SLC17A1: variants seen among roughly 807,000 people sequenced by gnomAD.
SLC17A1 encodes solute carrier family 17 member 1, also known as sodium-dependent phosphate transport protein 1.
A neutral mutation model predicts 53.5 loss-of-function variants in SLC17A1; 51 were observed. The observed-to-expected ratio is 0.95, with a 90% CI of 0.76 to 1.20. The LOEUF is 1.20. Among genes scored for constraint, SLC17A1 ranks in the 50% most tolerant of loss-of-function variants. The pLI is 0.00. For synonymous variants in SLC17A1, 179 were observed against 198.8 expected (o/e 0.90, Z 0.84); for missense variants, 538 against 568.2 (o/e 0.95, Z 0.54).
At chr6:25,768,895 G>C in the SLC17A1 span, 1 of 1,207,426 alleles carries the variant, frequency 8.3e-7, no homozygotes, top group Non-Finnish European at 1.2e-6. Flanking sequence ...CTGCATCTCA[G>C]ACAGATACCA....
intron 12 of SLC17A1, among the ~76,000 whole-genome samples, chr6:25,792,109 C>T (rs1369806930): frequency 6.6e-6 from 1 of 152,180 alleles, no homozygotes; most frequent in Non-Finnish European, 1.5e-5. Context: ...AGGAGTCACA[C>T]ACATACTCTC....
chr6:25,776,521 G>A, the SLC17A1 span: 2 of 1,510,814 alleles, frequency 1.3e-6, no homozygotes, highest in Non-Finnish European at 1.8e-6. Flanking sequence ...AATGTGGACA[G>A]TCTGTCCAAG....
At chr6:25,755,801 C>G in the SLC17A1 span, among the ~76,000 whole-genome samples, 1 of 152,174 alleles carries the variant, frequency 6.6e-6, no homozygotes. Flanking sequence ...AAATAAAGTT[C>G]TTGCTTTTCC....
rs746218693 is a variant in SLC17A1, at chr6:25,811,503, A to G, written c.1073T>C (p.Leu358Pro). 2 of 1,614,058 alleles carry G rather than the reference A, an allele frequency of 1.2e-6. No individual in the cohort carries two copies. The highest frequency in any genetic ancestry group is 1.7e-6 in the Non-Finnish European group (2 of 1,179,928). The change falls in exon 10 of 13, where the codon CTG (leucine) becomes CCG (proline). Residue 358 changes from leucine to proline, a missense_variant. Physicochemically the swap from Leu to Pro is moderately conservative, Grantham distance 98. Transcript: ENST00000244527. Reference protein sequence around the residue: ...PAIFGVCLPYLSSTFYSIVIF... With the variant: ...PAIFGVCLPYPSSTFYSIVIF... ...GACAATGCTGTAGAAGGTGGAACTC[A>G]GGTAAGGCAGGCAGACACCAAAGAT...
downstream of SLC17A1, among the ~76,000 whole-genome samples, chr6:25,781,802 C>T (rs773774971): frequency 3.3e-5 from 5 of 152,140 alleles, no homozygotes; most frequent in Non-Finnish European, 5.9e-5. Context: ...CCTTATGACA[C>T]AAACACCTCC....
the SLC17A1 span, among the ~76,000 whole-genome samples, chr6:25,753,095 A>T: frequency 6.6e-6 from 1 of 152,260 alleles, no homozygotes; most frequent in Admixed American, 6.5e-5. Context: ...GCCTAGGCTG[A>T]CACAAAATCA....
chr6:25,757,825 C>T, the SLC17A1 span, among the ~76,000 whole-genome samples: 2 of 152,216 alleles, frequency 1.3e-5, no homozygotes, highest in Admixed American at 6.5e-5. Flanking sequence ...TCCACCAGTC[C>T]TCCCATGTCA....
the SLC17A1 span, among the ~76,000 whole-genome samples, chr6:25,753,587 G>A: frequency 1.3e-5 from 2 of 151,962 alleles, no homozygotes; most frequent in African/African-American, 4.8e-5. Flanking sequence ...AAGAGATGAA[G>A]GTGGAACTGA....
At chr6:25,826,411 A>G in intron 3 of SLC17A1, 50 bp downstream of exon 3, 1 of 1,439,426 alleles carries the variant, frequency 6.9e-7, no homozygotes, top group Non-Finnish European at 9.4e-7. Context: ...CAAATTAGTT[A>G]GCAAGACAGG....
At chr6:25,765,888 G>A in the SLC17A1 span, among the ~76,000 whole-genome samples, 1 of 151,870 alleles carries the variant, frequency 6.6e-6, no homozygotes, top group Non-Finnish European at 1.5e-5. Flanking sequence ...ACAAGAGCTG[G>A]TTCTTTGATA....
At chr6:25,829,634 A>G (rs1764875234) in intron 2 of SLC17A1, among the ~76,000 whole-genome samples, 1 of 152,200 alleles carries the variant, frequency 6.6e-6, no homozygotes, top group Non-Finnish European at 1.5e-5. Context: ...AAGTCCATGA[A>G]TTATGTCTAA....
At chr6:25,792,037 T>A (rs1020281978) in intron 12 of SLC17A1, among the ~76,000 whole-genome samples, 2 of 152,324 alleles carry the variant, frequency 1.3e-5, no homozygotes, top group East Asian at 3.9e-4. Context: ...TCAAGATGGA[T>A]CCCAGGTGGC....
At chr6:25,807,485 T>G (rs944397477) in intron 10 of SLC17A1, among the ~76,000 whole-genome samples, 6 of 152,024 alleles carry the variant, frequency 3.9e-5, no homozygotes, top group African/African-American at 1.4e-4. Flanking sequence ...TCAATAATTT[T>G]GGGGGAACAG....
intron 10 of SLC17A1, among the ~76,000 whole-genome samples, chr6:25,805,615 A>G (rs1227547622): frequency 1.3e-5 from 2 of 151,890 alleles, no homozygotes; most frequent in Non-Finnish European, 2.9e-5. Flanking sequence ...AAATTAGATG[A>G]TTAGCTAGAT....
the SLC17A1 span, among the ~76,000 whole-genome samples, chr6:25,727,899 C>G: frequency 9.4e-4 from 143 of 151,938 alleles, no homozygotes; most frequent in East Asian, 0.026. Flanking sequence ...GCACTGTAGT[C>G]CCAGCTAATT....
At chr6:25,724,176 C>T in the SLC17A1 span, among the ~76,000 whole-genome samples, 278 of 152,288 alleles carry the variant, frequency 1.8e-3, 3 homozygotes, top group African/African-American at 6.5e-3. Flanking sequence ...GTAATCCCAG[C>T]ACTTTGGGAG....
intron 10 of SLC17A1, among the ~76,000 whole-genome samples, chr6:25,804,052 T>C (rs1763873716): frequency 6.6e-6 from 1 of 152,186 alleles, no homozygotes; most frequent in South Asian, 2.1e-4. Flanking sequence ...GATGCATACA[T>C]CTGAATATAT....
Position 25,811,702 on chromosome 6 carries a change from T to G in SLC17A1, c.966A>C (p.Ser322=). The change falls in exon 9 of 13, where the codon TCA becomes TCC. Residue 322 remains serine (S), a synonymous_variant. Coordinates refer to ENST00000244527, the MANE Select transcript of SLC17A1 (RefSeq NM_005074.5). The part of the protein sequence containing the change: ...WICGNLAGQL[S]DFFLTRNILS... ...GAATATTCCTGGTCAGGAAGAAGTC[T>G]GATAACTGACCTGCTAGGTTACCAC... 6.2e-7 allele frequency: 1 copy of G among 1,613,706 alleles called. No individual in the cohort carries two copies. Among genetic ancestry groups the G allele is most frequent in the Middle Eastern group, 1.7e-4 (1 of 6,058 alleles).
chr6:25,794,085 C>G (rs1763557232), intron 12 of SLC17A1, among the ~76,000 whole-genome samples: 1 of 152,160 alleles, frequency 6.6e-6, no homozygotes, highest in African/African-American at 2.4e-5. Flanking sequence ...AGACTGCAGC[C>G]TGAGTTGACC....
Sources: allele counts gnomAD v4.1 joint callset (sites outside exome capture counted in the v4.1 genomes callset), GRCh38; gene constraint gnomAD v4.1.1; transcripts MANE v1.5; gene names NCBI Gene and HGNC (gene_info 2026-07-23, HGNC 2026-07-21).